The following SEL1L3 variants were observed in gnomAD, a reference collection of about 807,000 sequenced individuals.
The protein encoded by SEL1L3 is protein sel-1 homolog 3.
A neutral mutation model predicts 142.8 loss-of-function variants in SEL1L3; 76 were observed. That is an observed-to-expected ratio of 0.53 (90% CI 0.44 to 0.64). The LOEUF (loss-of-function observed/expected upper bound fraction) is 0.64. Among genes scored for constraint, SEL1L3 ranks in the 30% least tolerant of loss-of-function variants. The pLI, the probability that SEL1L3 is intolerant of heterozygous loss-of-function variation, is 0.00. For missense variants in SEL1L3, 1,262 were observed against 1,381.7 expected (o/e 0.91, Z 1.37); for synonymous variants, 504 against 519.6 (o/e 0.97, Z 0.41).
In SEL1L3 at chr4:25,833,578, G is replaced by A. The variant is rs751131393; in HGVS notation, c.861-9C>T. The A allele has an allele frequency of 4.4e-6, 7 of 1,596,580 alleles. No individual in the cohort carries two copies. Among genetic ancestry groups the A allele is most frequent in the African/African-American group, 2.7e-5 (2 of 73,938 alleles). ...ACAATGAAACAGTAAACCTATAAGA[G>A]TGAGGGGGAAAAAAATTCTGCAGAT... On this transcript the variant is annotated splice_polypyrimidine_tract_variant and intron_variant, in intron 3 of 23. Transcript: ENST00000399878.
intron 5 of SEL1L3, among the ~76,000 whole-genome samples, chr4:25,831,702 T>C (rs1220051289): frequency 6.6e-6 from 1 of 151,540 alleles, no homozygotes; most frequent in Non-Finnish European, 1.5e-5. Flanking sequence ...TTTTTGTATT[T>C]TTACCAGAGA....
chr4:25,721,214 C>CTT, the SEL1L3 span, among the ~76,000 whole-genome samples: 22,782 of 148,130 alleles, frequency 0.15, 1,950 homozygotes, highest in African/African-American at 0.24. Context: ...AAGCTTGGAA[C>CTT]TTTTTTTTTT....
the SEL1L3 span, among the ~76,000 whole-genome samples, chr4:25,726,484 C>T: frequency 3.8e-4 from 57 of 148,570 alleles, no homozygotes; most frequent in South Asian, 0.011. Flanking sequence ...GCCGAGATTG[C>T]GCCACTGCAC....
At position 25,757,684 on chromosome 4, in the gene SEL1L3, C is replaced by A; in HGVS notation, c.3186+4G>T. On this transcript the variant is annotated splice_donor_region_variant and intron_variant, in intron 22 of 23. Coordinates refer to ENST00000399878, the MANE Select transcript of SEL1L3 (RefSeq NM_015187.5). ...GGGTGGGGCCGGTGGGACATGAAAC[C>A]TACCAGGGCTGAGTGCAGGATAGCA... is the stretch of plus-strand genomic sequence containing the variant. The A allele has an allele frequency of 6.3e-7, 1 of 1,583,706 alleles. No individual in the cohort carries two copies. Among genetic ancestry groups the A allele is most frequent in the East Asian group, 2.3e-5 (1 of 43,276 alleles).
At chr4:25,804,491 G>T in intron 10 of SEL1L3, 50 bp downstream of exon 10, 1 of 1,381,868 alleles carries the variant, frequency 7.2e-7, no homozygotes, top group Non-Finnish European at 1.0e-6. Context: ...GCATTGCTTT[G>T]CAAATATAAT....
chr4:25,774,150 A>G (rs1042520870), intron 17 of SEL1L3, among the ~76,000 whole-genome samples: 17 of 152,222 alleles, frequency 1.1e-4, no homozygotes, highest in Admixed American at 8.5e-4. Flanking sequence ...GGAAGAACAA[A>G]AGGAAATAAG....
intron 1 of SEL1L3, among the ~76,000 whole-genome samples, chr4:25,853,482 T>A (rs989225166): frequency 1.3e-5 from 2 of 152,268 alleles, no homozygotes; most frequent in African/African-American, 4.8e-5. Flanking sequence ...ATGTGGCTGG[T>A]CTGATTTGAG....
rs538178315 is a variant in SEL1L3, at chr4:25,772,189, G to A, written c.2669+4088C>T. Among the ~76,000 whole-genome samples, 8 of 152,328 alleles carry A rather than the reference G, an allele frequency of 5.3e-5. No homozygotes were observed. The South Asian group carries it at 8.3e-4, about 16-fold the overall frequency. ...CCTGGGGAGGGCTTGAAAGCTTGGA[G>A]AGCAGGAATGGATGGAAGTACTTTG... On this transcript the variant is annotated intron_variant, in intron 17 of 23. Transcript: ENST00000399878.
chr4:25,836,096 T>A (rs896249321), intron 2 of SEL1L3, among the ~76,000 whole-genome samples: 14 of 152,298 alleles, frequency 9.2e-5, no homozygotes, highest in Non-Finnish European at 1.0e-4. Context: ...TTCAACATAC[T>A]ACCCTACATA....
the SEL1L3 span, among the ~76,000 whole-genome samples, chr4:25,716,442 A>G: frequency 2.0e-5 from 3 of 152,186 alleles, no homozygotes; most frequent in Non-Finnish European, 4.4e-5. Context: ...TTGGAGAACT[A>G]CATGGCAATA....
chr4:25,829,752 C>A, intron 6 of SEL1L3, among the ~76,000 whole-genome samples: 1 of 152,124 alleles, frequency 6.6e-6, no homozygotes, highest in East Asian at 1.9e-4. Context: ...CAACCATTCT[C>A]AATAAGCAAC....
At chr4:25,804,808 CT>C in intron 9 of SEL1L3, 56 bp from the exon 10 acceptor site, 1 of 1,343,722 alleles carries the variant, frequency 7.4e-7, no homozygotes, top group Non-Finnish European at 1.1e-6. Flanking sequence ...ATCGATGTGG[CT>C]TTAGAAAAAG....
At chr4:25,858,982 A>G (rs1717480064) in intron 1 of SEL1L3, among the ~76,000 whole-genome samples, 1 of 152,220 alleles carries the variant, frequency 6.6e-6, no homozygotes, top group Admixed American at 6.5e-5. Context: ...GCTGACATCA[A>G]TACTGGCCAT....
At chr4:25,775,705 T>C (rs1719564698) in intron 17 of SEL1L3, among the ~76,000 whole-genome samples, 1 of 152,174 alleles carries the variant, frequency 6.6e-6, no homozygotes. Flanking sequence ...CCATGTTTCA[T>C]CCCATAAAGA....
chr4:25,779,512 T>A (rs1183418887), intron 15 of SEL1L3, among the ~76,000 whole-genome samples: 1 of 152,202 alleles, frequency 6.6e-6, no homozygotes, highest in Non-Finnish European at 1.5e-5. Flanking sequence ...GAAGACTATA[T>A]CAGAAGTCAA....
the SEL1L3 span, among the ~76,000 whole-genome samples, chr4:25,735,711 AT>A: frequency 3.8e-4 from 49 of 127,786 alleles, 1 homozygote; most frequent in African/African-American, 3.0e-4. Context: ...AAAATATTTT[AT>A]TTTTTTTTCT....
chr4:25,856,937 T>C (rs1717302235), intron 1 of SEL1L3, among the ~76,000 whole-genome samples: 1 of 152,222 alleles, frequency 6.6e-6, no homozygotes, highest in African/African-American at 2.4e-5. Context: ...CATCCACATC[T>C]TGCTACGGGA....
chr4:25,802,732 C>T lies in SEL1L3; in HGVS notation c.1777-270G>A, dbSNP rs1448290428. ...GAGTAGCTGGGACTACAGGCGTGCA[C>T]CACAATGCCCAGCTAATTTTTTATG... is the stretch of plus-strand genomic sequence containing the variant. On this transcript the variant is annotated intron_variant, in intron 10 of 23. Coordinates refer to ENST00000399878, the MANE Select transcript of SEL1L3 (RefSeq NM_015187.5). Among the ~76,000 whole-genome samples, 4 of 152,244 alleles carry T rather than the reference C, an allele frequency of 2.6e-5. No individual in the cohort carries two copies. The East Asian group carries it at 7.7e-4, about 29-fold the overall frequency.
intron 16 of SEL1L3, among the ~76,000 whole-genome samples, chr4:25,777,199 A>C (rs1053308171): frequency 2.6e-5 from 4 of 152,268 alleles, no homozygotes; most frequent in Non-Finnish European, 5.9e-5. Flanking sequence ...TAACTATATG[A>C]TCATCAGAAA....
Sources: allele counts gnomAD v4.1 joint callset (sites outside exome capture counted in the v4.1 genomes callset), GRCh38; gene constraint gnomAD v4.1.1; transcripts MANE v1.5; gene names NCBI Gene and HGNC (gene_info 2026-07-23, HGNC 2026-07-21).